Variants in PCDHA6 observed in about 807,000 individuals in gnomAD.
The protein encoded by PCDHA6 is protocadherin alpha 6.
In PCDHA6, 55 loss-of-function variants were observed where a neutral mutation model predicts 60.3. The ratio of observed to expected loss-of-function variants is 0.91; its 90% CI spans 0.73 to 1.14. PCDHA6 has a LOEUF of 1.14. Among genes scored for constraint, PCDHA6 ranks in the 50% most tolerant of loss-of-function variants. The pLI is 0.00. For synonymous variants in PCDHA6, 652 were observed against 557.9 expected (o/e 1.17, Z -2.38); for missense variants, 1,327 against 1,256.5 (o/e 1.06, Z -0.85).
chr5:140,955,914 G>A (rs1293205418), intron 1 of PCDHA6, among the ~76,000 whole-genome samples: 1 of 152,140 alleles, frequency 6.6e-6, no homozygotes, highest in East Asian at 1.9e-4. Context: ...TAGCAATTGT[G>A]AATGGGAGTT....
intron 1 of PCDHA6, chr5:140,853,308 C>G: frequency 3.1e-6 from 3 of 983,184 alleles, no homozygotes; most frequent in Non-Finnish European, 3.7e-6. Flanking sequence ...CTGTGAACAC[C>G]TTAGTAATAA....
chr5:140,928,852 G>T, intron 1 of PCDHA6: 1 of 1,614,172 alleles, frequency 6.2e-7, no homozygotes, highest in Non-Finnish European at 8.5e-7. Flanking sequence ...CACTCTGGGT[G>T]TGCTGTTGAG....
At chr5:140,983,018 A>T (rs2097022598) in intron 3 of PCDHA6, among the ~76,000 whole-genome samples, 1 of 152,096 alleles carries the variant, frequency 6.6e-6, no homozygotes, top group African/African-American at 2.4e-5. Flanking sequence ...GGAAGGAAGG[A>T]AGGAAGATGG....
intron 1 of PCDHA6, chr5:140,882,397 C>T (rs1554173926): frequency 6.2e-7 from 1 of 1,614,190 alleles, no homozygotes; most frequent in South Asian, 1.1e-5. Flanking sequence ...AACACGGCAC[C>T]TTCGTGGGCC....
intron 3 of PCDHA6, among the ~76,000 whole-genome samples, chr5:140,997,722 C>G (rs2097782886): frequency 6.6e-6 from 1 of 151,372 alleles, no homozygotes; most frequent in South Asian, 2.1e-4. Context: ...CTTTCTACGT[C>G]AGTACATATA....
At chr5:140,875,464 T>A (rs782432702) in intron 1 of PCDHA6, 1 of 1,599,740 alleles carries the variant, frequency 6.3e-7, no homozygotes, top group Admixed American at 1.7e-5. Flanking sequence ...GAGGCCCTCA[T>A]TTTCTGCAAT....
At position 140,835,833 on chromosome 5, in the gene PCDHA6, G is replaced by A. The variant is rs2150246145; in HGVS notation, c.2394+5348G>A. 4.3e-6 allele frequency: 7 copies of A among 1,612,446 alleles called. No homozygotes were observed. In the Admixed American group the frequency reaches 1.2e-4, roughly 27 times the overall value. On this transcript the variant is annotated intron_variant, in intron 1 of 3. Coordinates refer to ENST00000529310, the MANE Select transcript of PCDHA6 (RefSeq NM_018909.4). ...CACTGTGTCGGCGGGGGACGCGGAC[G>A]CGCAGAAGAACGCGCTGGTGTCCTA...
chr5:140,859,198 T>C lies in PCDHA6; in HGVS notation c.2394+28713T>C, dbSNP rs1554152210. 2.0e-5 allele frequency: 3 copies of C among 149,984 alleles called. 1 individual carries two copies. The highest frequency in any genetic ancestry group is 7.3e-5 in the African/African-American group (3 of 40,916). The allele number at this position is 149,984 out of a possible 1,614,324, so 9.3% of individuals were successfully genotyped here. A position where few individuals can be genotyped will look rare whatever the true frequency, so the allele number is the denominator to read the frequency against. ...CAGCATTAGGCATTGCTTATGATAT[T>C]CAGGTATTAGCTCTTTCACTTTAAG... On this transcript the variant is annotated intron_variant, in intron 1 of 3. Coordinates refer to ENST00000529310, the MANE Select transcript of PCDHA6 (RefSeq NM_018909.4).
chr5:140,926,311 G>C (rs2030500500), intron 1 of PCDHA6: 1 of 152,272 alleles, frequency 6.6e-6, no homozygotes, highest in South Asian at 2.1e-4. Flanking sequence ...CTCCGCCGGA[G>C]AGGTGCGCCG....
At chr5:141,001,122 TAAAC>T (rs1274933487) in intron 3 of PCDHA6, among the ~76,000 whole-genome samples, 1 of 152,154 alleles carries the variant, frequency 6.6e-6, no homozygotes, top group African/African-American at 2.4e-5. Flanking sequence ...CAATAGTCCT[TAAAC>T]AAATGAATCT....
rs781878255 is a variant in PCDHA6 at position 140,856,536 on chromosome 5, A to G, written c.2394+26051A>G. 8.1e-6 allele frequency: 13 copies of G among 1,598,388 alleles called. 1 individual carries two copies. The East Asian group carries it at 2.2e-4, about 27-fold the overall frequency. ...GGCGCATCTGATGCGGATGTTGGAG[A>G]GAACGCATTGCTTACTTACAAACTC... is the stretch of plus-strand genomic sequence containing the variant. On this transcript the variant is annotated intron_variant, in intron 1 of 3. Transcript: ENST00000529310.
At chr5:140,949,171 C>T (rs1554218845) in intron 1 of PCDHA6, among the ~76,000 whole-genome samples, 1 of 151,632 alleles carries the variant, frequency 6.6e-6, no homozygotes, top group Non-Finnish European at 1.5e-5. Flanking sequence ...CTCTTTTGGT[C>T]AGAGAACATA....
chr5:140,852,115 C>A, intron 1 of PCDHA6: 1 of 906,762 alleles, frequency 1.1e-6, no homozygotes, highest in Non-Finnish European at 1.3e-6. Context: ...CAAGGTATGA[C>A]CTAATTAAAA....
intron 1 of PCDHA6, chr5:140,835,993 C>T: frequency 6.2e-7 from 1 of 1,613,346 alleles, no homozygotes; most frequent in Non-Finnish European, 8.5e-7. Context: ...CAGGTGAGCG[C>T]GCGCGATGCG....
In PCDHA6 at chr5:140,978,000, T is replaced by G. The variant is rs564788160; in HGVS notation, c.2395-949T>G. 2.0e-5 allele frequency among the ~76,000 whole-genome samples: 3 copies of G among 152,212 alleles called. No homozygotes were observed. In the South Asian group the frequency reaches 6.2e-4, roughly 32 times the overall value. On this transcript the variant is annotated intron_variant, in intron 1 of 3. Coordinates refer to ENST00000529310, the MANE Select transcript of PCDHA6 (RefSeq NM_018909.4). ...AACGCATCTAGAGGAGTGTCACAAG[T>G]TTTTCACAGTGACATTTTTGCTTAC...
intron 1 of PCDHA6, chr5:140,966,850 C>A: frequency 6.4e-7 from 1 of 1,572,900 alleles, no homozygotes; most frequent in Non-Finnish European, 8.6e-7. Flanking sequence ...TACTGCCTCT[C>A]CTGCTGCTGT....
intron 1 of PCDHA6, chr5:140,843,377 G>C (rs375387773): frequency 1.3e-6 from 2 of 1,596,146 alleles, no homozygotes; most frequent in Non-Finnish European, 1.7e-6. Flanking sequence ...GTCGGCTGGC[G>C]TTTTGGGTCC....
At chr5:140,926,620 C>G in intron 1 of PCDHA6, 1 of 385,534 alleles carries the variant, frequency 2.6e-6, no homozygotes, top group Admixed American at 4.4e-5. Context: ...CACCCCTAGG[C>G]GGCGCTGCGC....
chr5:140,841,942 G>A (rs782585839), intron 1 of PCDHA6: 15 of 1,613,920 alleles, frequency 9.3e-6, no homozygotes, highest in East Asian at 2.2e-5. Context: ...ACGCTCCTGC[G>A]CACCACTTAT....
Sources: allele counts gnomAD v4.1 joint callset (sites outside exome capture counted in the v4.1 genomes callset), GRCh38; gene constraint gnomAD v4.1.1; transcripts MANE v1.5; gene names NCBI Gene and HGNC (gene_info 2026-07-23, HGNC 2026-07-21).